RNF6: variants seen among roughly 807,000 people sequenced by gnomAD.
RNF6 encodes ring finger protein 6.
In RNF6, 21 loss-of-function variants were observed where a neutral mutation model predicts 50.1. The observed-to-expected ratio is 0.42, with a 90% confidence interval of 0.30 to 0.60. RNF6 has a LOEUF of 0.60. Among genes scored for constraint, RNF6 ranks in the 20% least tolerant of loss-of-function variants. The pLI is 0.20. For synonymous variants in RNF6, 255 were observed against 291.8 expected, an observed-to-expected ratio of 0.87 and a Z score of 1.29; for missense variants, 698 against 838.2, an observed-to-expected ratio of 0.83 and a Z score of 2.07.
chr13:26,180,156 C>A (rs1873168157), intron 5 of RNF6, among the ~76,000 whole-genome samples: 1 of 152,128 alleles, frequency 6.6e-6, no homozygotes, highest in Non-Finnish European at 1.5e-5. Flanking sequence ...GCCCAGTGAC[C>A]CTGTTGGCCC....
intron 4 of RNF6, among the ~76,000 whole-genome samples, chr13:26,217,344 G>C (rs1313682504): frequency 6.6e-6 from 1 of 152,240 alleles, no homozygotes; most frequent in African/African-American, 2.4e-5. Context: ...ATTTGATTAA[G>C]TGTAGTGATG....
At chr13:26,207,919 AT>A (rs1869173594), downstream of RNF6, among the ~76,000 whole-genome samples, 1 of 152,216 alleles carries the variant, frequency 6.6e-6, no homozygotes, top group Non-Finnish European at 1.5e-5. Context: ...TGGTAGAGGC[AT>A]TGGCTGTGCT....
chr13:26,215,276 T>G lies in RNF6; in HGVS notation c.606A>C (p.Ser202=). 1 of 1,614,258 alleles carries G rather than the reference T, an allele frequency of 6.2e-7. No individual in the cohort carries two copies. Among genetic ancestry groups the G allele is most frequent in the Non-Finnish European group, 8.5e-7 (1 of 1,180,048 alleles). ...TGGAACTACTACCATTGAAATTCAC[T>G]GAGGTTTGGCTTCTTGTTCGCCTAG... is the stretch of plus-strand genomic sequence containing the variant. The part of the protein sequence containing the change: ...PVARRTRSQT[S]VNFNGSSSNI... The change falls in exon 5 of 5, where the codon TCA becomes TCC. Residue 202 remains serine, a synonymous_variant. Transcript: ENST00000381588.
At chr13:26,164,835 A>C (rs1295213663) in intron 5 of RNF6, among the ~76,000 whole-genome samples, 1 of 152,190 alleles carries the variant, frequency 6.6e-6, no homozygotes, top group Admixed American at 6.5e-5. Context: ...TGTTAAAGAC[A>C]TTCAGTTTTA....
chr13:26,194,338 C>T (rs1868576281), intron 5 of RNF6, among the ~76,000 whole-genome samples: 1 of 152,138 alleles, frequency 6.6e-6, no homozygotes, highest in African/African-American at 2.4e-5. Context: ...ATATCTAACT[C>T]AGGTCCACTG....
chr13:26,182,562 C>T (rs1306969677), intron 5 of RNF6, among the ~76,000 whole-genome samples: 7 of 152,142 alleles, frequency 4.6e-5, no homozygotes, highest in Non-Finnish European at 8.8e-5. Context: ...CCTGTAATCC[C>T]AGCACTTTGG....
Position 26,163,268 on chromosome 13 carries a change from C to T in RNF6, n.769-30817G>A, listed in dbSNP as rs143362331. ...CGGAGCTTGCAGTGAGTCGAGATCG[C>T]GCCATTGCACTCCAGCCTGGGAGAC... On this transcript the variant is annotated intron_variant and non_coding_transcript_variant, in intron 5 of 5. Coordinates refer to the RNF6 transcript ENST00000468480. Among the ~76,000 whole-genome samples, 593 of 151,492 alleles carry T rather than the reference C, an allele frequency of 3.9e-3. 5 individuals are homozygous for T. The highest frequency in any genetic ancestry group is 0.014 in the African/African-American group (570 of 41,274).
chr13:26,155,038 C>CA (rs1190775707), intron 5 of RNF6, among the ~76,000 whole-genome samples: 5 of 142,726 alleles, frequency 3.5e-5, no homozygotes, highest in Admixed American at 7.1e-5. Context: ...TGAAAAAAAG[C>CA]AAAAAACAAA....
intron 5 of RNF6, among the ~76,000 whole-genome samples, chr13:26,146,255 G>T (rs1161610011): frequency 1.3e-5 from 2 of 152,198 alleles, no homozygotes; most frequent in Non-Finnish European, 2.9e-5. Context: ...CACAGGTTTG[G>T]AAGTCTGGAA....
downstream of RNF6, among the ~76,000 whole-genome samples, chr13:26,211,368 T>A (rs1869314896): frequency 6.6e-6 from 1 of 152,242 alleles, no homozygotes; most frequent in African/African-American, 2.4e-5. Context: ...ATTTTTTCTG[T>A]ATCCTTACTT....
chr13:26,192,919 C>T (rs962301663), intron 5 of RNF6, among the ~76,000 whole-genome samples: 17 of 152,148 alleles, frequency 1.1e-4, no homozygotes, highest in African/African-American at 3.9e-4. Flanking sequence ...ATATAATAAA[C>T]GTGGTATATT....
At chr13:26,186,884 TCTC>T (rs758278762) in intron 5 of RNF6, among the ~76,000 whole-genome samples, 16 of 151,952 alleles carry the variant, frequency 1.1e-4, no homozygotes, top group South Asian at 6.2e-4. Context: ...TTCACGCCAT[TCTC>T]CTGCCTCAGC....
At chr13:26,135,067 A>G (rs1366546889) in intron 5 of RNF6, among the ~76,000 whole-genome samples, 1 of 152,178 alleles carries the variant, frequency 6.6e-6, no homozygotes, top group Admixed American at 6.6e-5. Flanking sequence ...TTAAAGAGCA[A>G]TATGTTTTTC....
chr13:26,198,213 G>A (rs1046433102), intron 5 of RNF6, among the ~76,000 whole-genome samples: 2 of 151,412 alleles, frequency 1.3e-5, no homozygotes, highest in African/African-American at 4.9e-5. Flanking sequence ...GTGAAGTTTG[G>A]TATAGCCAAA....
At chr13:26,138,326 A>C (rs1870755314) in intron 5 of RNF6, among the ~76,000 whole-genome samples, 1 of 152,186 alleles carries the variant, frequency 6.6e-6, no homozygotes. Flanking sequence ...GTTGTCACTA[A>C]TAGACTTGCC....
chr13:26,160,843 G>A (rs1349134109), intron 5 of RNF6, among the ~76,000 whole-genome samples: 3 of 152,110 alleles, frequency 2.0e-5, no homozygotes, highest in Non-Finnish European at 4.4e-5. Flanking sequence ...TTGTCCTCAT[G>A]TGGCCTTCCC....
chr13:26,171,613 T>C (rs1435922306), intron 5 of RNF6, among the ~76,000 whole-genome samples: 2 of 152,170 alleles, frequency 1.3e-5, no homozygotes, highest in African/African-American at 4.8e-5. Flanking sequence ...CATAGCAGCA[T>C]TATCCACAAT....
chr13:26,145,457 G>C (rs1394824878), intron 5 of RNF6, among the ~76,000 whole-genome samples: 1 of 151,624 alleles, frequency 6.6e-6, no homozygotes, highest in Non-Finnish European at 1.5e-5. Flanking sequence ...GGGAGGGGGG[G>C]GGACTTCCCC....
At chr13:26,179,124 C>G (rs1289998602) in intron 5 of RNF6, among the ~76,000 whole-genome samples, 1 of 152,226 alleles carries the variant, frequency 6.6e-6, no homozygotes, top group Non-Finnish European at 1.5e-5. Flanking sequence ...AGTTCCTAGT[C>G]TGGCAGGAGG....
Sources: gnomAD v4.1 joint callset for allele counts (sites outside exome capture counted in the v4.1 genomes callset) on GRCh38, gnomAD v4.1.1 for gene constraint, MANE v1.5 for transcripts, NCBI Gene and HGNC (gene_info 2026-07-23, HGNC 2026-07-21) for gene names.